The following COL21A1 variants were observed in gnomAD, a reference collection of about 807,000 sequenced individuals.
COL21A1 encodes collagen alpha-1(XXI) chain.
COL21A1 carries 149 observed loss-of-function variants against 137.9 expected under a neutral mutation model. That is an observed-to-expected ratio of 1.08 (90% CI 0.95 to 1.24). COL21A1 has a LOEUF of 1.24. COL21A1 is among the 50% of genes most tolerant of loss of function. The pLI, the probability that COL21A1 is intolerant of heterozygous loss-of-function variation, is 0.00. For synonymous variants in COL21A1, 456 were observed against 391.5 expected, an observed-to-expected ratio of 1.16 and a Z score of -1.95; for missense variants, 1,167 against 1,158.4, an observed-to-expected ratio of 1.01 and a Z score of -0.11.
At chr6:56,173,631 A>G (rs938999241) in intron 3 of COL21A1, among the ~76,000 whole-genome samples, 3 of 152,196 alleles carry the variant, frequency 2.0e-5, no homozygotes, top group Admixed American at 2.0e-4. Flanking sequence ...CTACTATGAT[A>G]AAAGGGTCAA....
At chr6:56,281,211 G>T (rs1240900366) in intron 1 of COL21A1, among the ~76,000 whole-genome samples, 1 of 152,048 alleles carries the variant, frequency 6.6e-6, no homozygotes, top group Non-Finnish European at 1.5e-5. Flanking sequence ...TAGCATGTTT[G>T]GGCTGACAGA....
At chr6:56,321,941 C>T (rs547678256) in intron 1 of COL21A1, among the ~76,000 whole-genome samples, 65 of 152,134 alleles carry the variant, frequency 4.3e-4, no homozygotes, top group African/African-American at 1.5e-3. Flanking sequence ...CGTTTTGAAG[C>T]GTCATCTTCT....
intron 1 of COL21A1, among the ~76,000 whole-genome samples, chr6:56,264,212 C>A (rs1763345585): frequency 1.3e-5 from 2 of 152,112 alleles, no homozygotes; most frequent in Non-Finnish European, 2.9e-5. Flanking sequence ...AATAAATCCA[C>A]AAGAAAAGGG....
chr6:56,094,516 C>T lies in COL21A1; in HGVS notation c.1812+6956G>A, dbSNP rs891861194. On this transcript the variant is annotated intron_variant, in intron 17 of 29. Coordinates refer to ENST00000244728, the MANE Select transcript of COL21A1 (RefSeq NM_030820.4). ...AGTCTGTTCAAGGCAATATAGACTA[C>T]TTCTACCATGTGTCTCAAAATTCTT... Among the ~76,000 whole-genome samples the T allele has an allele frequency of 9.9e-5, 15 of 152,270 alleles. No individual in the cohort carries two copies. In the South Asian group the frequency reaches 2.9e-3, roughly 29 times the overall value.
At chr6:56,388,706 A>G (rs776320789) in intron 1 of COL21A1, among the ~76,000 whole-genome samples, 41 of 152,268 alleles carry the variant, frequency 2.7e-4, no homozygotes, top group East Asian at 1.9e-4. Context: ...ATAGAAATAA[A>G]TAACTCTTCA....
At chr6:56,260,733 A>C (rs6917061) in intron 1 of COL21A1, among the ~76,000 whole-genome samples, 33,671 of 148,304 alleles carry the variant, frequency 0.23, 4,594 homozygotes, top group Non-Finnish European at 0.31. Context: ...GGCAGGCAGG[A>C]AGGAAGGAAG....
chr6:56,286,970 A>C (rs967727128), intron 1 of COL21A1, among the ~76,000 whole-genome samples: 2 of 152,230 alleles, frequency 1.3e-5, no homozygotes, highest in African/African-American at 4.8e-5. Flanking sequence ...ATTTGAAGAT[A>C]ACACTGATTT....
At chr6:56,314,772 T>C (rs1448928490) in intron 1 of COL21A1, among the ~76,000 whole-genome samples, 2 of 152,220 alleles carry the variant, frequency 1.3e-5, no homozygotes, top group African/African-American at 4.8e-5. Flanking sequence ...ATTGTGATGT[T>C]ATGGTTCTTA....
chr6:56,358,928 A>T (rs910117477), intron 1 of COL21A1, among the ~76,000 whole-genome samples: 1 of 152,084 alleles, frequency 6.6e-6, no homozygotes, highest in Non-Finnish European at 1.5e-5. Flanking sequence ...TCCCTTCCCA[A>T]TGGTTAAAAA....
rs185543246 is a variant in COL21A1 at position 56,322,650 on chromosome 6, A to C, written c.-39+71321T>G. 1.1e-4 allele frequency among the ~76,000 whole-genome samples: 16 copies of C among 152,246 alleles called. No individual in the cohort carries two copies. In the South Asian group the frequency reaches 1.2e-3, roughly 12 times the overall value. On this transcript the variant is annotated intron_variant, in intron 1 of 28. Transcript: ENST00000370819. ...TACTATTCCCAGGTGTACTAAGTGA[A>C]TACTAGCCATTTCTATCCCTGATTC...
chr6:56,263,574 C>T (rs1763331924), intron 1 of COL21A1, among the ~76,000 whole-genome samples: 1 of 152,130 alleles, frequency 6.6e-6, no homozygotes, highest in African/African-American at 2.4e-5. Flanking sequence ...CTGTTCATTA[C>T]AAAAGAAAGT....
chr6:56,220,209 G>C (rs1780745184), intron 1 of COL21A1, among the ~76,000 whole-genome samples: 1 of 152,082 alleles, frequency 6.6e-6, no homozygotes, highest in South Asian at 2.1e-4. Context: ...TTAATGTCAT[G>C]TTATATGGAG....
intron 1 of COL21A1, among the ~76,000 whole-genome samples, chr6:56,332,737 A>G (rs1259143102): frequency 2.6e-5 from 4 of 151,752 alleles, no homozygotes; most frequent in Admixed American, 6.6e-5. Flanking sequence ...TCATCTTTCT[A>G]CTCAGTTATA....
At chr6:56,138,116 G>A (rs1375189287) in intron 12 of COL21A1, among the ~76,000 whole-genome samples, 3 of 151,998 alleles carry the variant, frequency 2.0e-5, no homozygotes, top group Non-Finnish European at 4.4e-5. Flanking sequence ...CAACCTAATA[G>A]TAACACCACT....
intron 10 of COL21A1, among the ~76,000 whole-genome samples, chr6:56,146,378 C>T (rs1185711450): frequency 6.6e-6 from 1 of 152,116 alleles, no homozygotes; most frequent in African/African-American, 2.4e-5. Context: ...GGCTTTATAG[C>T]TCTATGCAAT....
chr6:56,105,287 G>A (rs1302472590), intron 16 of COL21A1, among the ~76,000 whole-genome samples: 1 of 152,034 alleles, frequency 6.6e-6, no homozygotes, highest in Non-Finnish European at 1.5e-5. Context: ...TTGTTTTTTA[G>A]GAAAATAAAA....
chr6:56,289,824 G>A (rs1582759045), intron 1 of COL21A1, among the ~76,000 whole-genome samples: 2 of 152,112 alleles, frequency 1.3e-5, no homozygotes, highest in Non-Finnish European at 2.9e-5. Context: ...AGGTCGTTAA[G>A]GGGAGTCTAT....
At chr6:56,120,807 A>C (rs1582409089) in intron 16 of COL21A1, among the ~76,000 whole-genome samples, 1 of 152,116 alleles carries the variant, frequency 6.6e-6, no homozygotes, top group African/African-American at 2.4e-5. Flanking sequence ...TTTAAAAAAA[A>C]AAAAAAAAAA....
At chr6:56,248,006 T>C (rs1782745197), upstream of COL21A1, among the ~76,000 whole-genome samples, 1 of 152,148 alleles carries the variant, frequency 6.6e-6, no homozygotes, top group African/African-American at 2.4e-5. Flanking sequence ...CAACCAAAAG[T>C]AACAGCTGCT....
Sources: gnomAD v4.1 joint callset for allele counts (sites outside exome capture counted in the v4.1 genomes callset) on GRCh38, gnomAD v4.1.1 for gene constraint, MANE v1.5 for transcripts, NCBI Gene and HGNC (gene_info 2026-07-23, HGNC 2026-07-21) for gene names.